Variants in CSRNP3 observed in about 807,000 individuals in gnomAD.
CSRNP3 encodes the protein cysteine/serine-rich nuclear protein 3.
CSRNP3 carries 12 observed loss-of-function variants against 48.0 expected under a neutral mutation model. That is an observed-to-expected ratio of 0.25 (90% CI 0.16 to 0.41). CSRNP3 has a LOEUF of 0.41. CSRNP3 is among the 10% of genes least tolerant of loss of function. The pLI, the probability that CSRNP3 is intolerant of heterozygous loss-of-function variation, is 1.00. For synonymous variants in CSRNP3, 263 were observed against 269.7 expected (o/e 0.98, Z 0.24); for missense variants, 580 against 724.4 (o/e 0.80, Z 2.29).
At chr2:165,505,112 G>A (rs563958931) in intron 2 of CSRNP3, among the ~76,000 whole-genome samples, 9 of 152,074 alleles carry the variant, frequency 5.9e-5, no homozygotes, top group African/African-American at 2.2e-4. Flanking sequence ...TGGGATTGGG[G>A]TTATAAATTC....
chr2:165,622,003 C>T (rs992024946), intron 4 of CSRNP3, among the ~76,000 whole-genome samples: 2 of 152,148 alleles, frequency 1.3e-5, no homozygotes, highest in Non-Finnish European at 2.9e-5. Flanking sequence ...GCAGGCAGAG[C>T]TTTCTTCTTT....
chr2:165,578,043 T>G (rs969785027), intron 3 of CSRNP3, among the ~76,000 whole-genome samples: 4 of 152,040 alleles, frequency 2.6e-5, no homozygotes, highest in African/African-American at 9.7e-5. Context: ...TATTAAACTA[T>G]CAACAGAAAT....
chr2:165,541,650 AATGCAATT>A (rs1684959188), intron 3 of CSRNP3, among the ~76,000 whole-genome samples: 1 of 152,102 alleles, frequency 6.6e-6, no homozygotes, highest in South Asian at 2.1e-4. Flanking sequence ...CACAAATCTA[AATGCAATT>A]ATACAATATC....
At chr2:165,606,060 T>C (rs1350457219) in intron 4 of CSRNP3, among the ~76,000 whole-genome samples, 1 of 151,902 alleles carries the variant, frequency 6.6e-6, no homozygotes, top group East Asian at 1.9e-4. Flanking sequence ...ATTAGATCCC[T>C]ACCTCATGCC....
intron 4 of CSRNP3, among the ~76,000 whole-genome samples, chr2:165,646,246 A>G (rs1386599814): frequency 6.6e-6 from 1 of 152,094 alleles, no homozygotes; most frequent in African/African-American, 2.4e-5. Context: ...AAGTTCAAGT[A>G]TGTGGTTTTG....
At chr2:165,635,898 A>G (rs1292336561) in intron 4 of CSRNP3, among the ~76,000 whole-genome samples, 2 of 151,682 alleles carry the variant, frequency 1.3e-5, no homozygotes, top group African/African-American at 4.8e-5. Flanking sequence ...CTCCATACCC[A>G]TTTTTTCTTT....
chr2:165,652,763 C>G (rs1433395182), intron 4 of CSRNP3, among the ~76,000 whole-genome samples: 1 of 151,954 alleles, frequency 6.6e-6, no homozygotes, highest in African/African-American at 2.4e-5. Flanking sequence ...AGGCTGGTCT[C>G]GAACTCCTGA....
chr2:165,530,970 A>G (rs1478206485), intron 3 of CSRNP3, among the ~76,000 whole-genome samples: 1 of 151,896 alleles, frequency 6.6e-6, no homozygotes, highest in African/African-American at 2.4e-5. Context: ...ACTCCATAAA[A>G]TTCTTTTTTT....
intron 5 of CSRNP3, among the ~76,000 whole-genome samples, chr2:165,674,715 ATT>A (rs1437561106): frequency 1.3e-5 from 1 of 74,610 alleles, no homozygotes; most frequent in African/African-American, 8.0e-5. Context: ...TATATATATA[ATT>A]TGTTTATTTA....
chr2:165,551,143 G>A (rs1259375576), intron 3 of CSRNP3, among the ~76,000 whole-genome samples: 1 of 152,038 alleles, frequency 6.6e-6, no homozygotes, highest in African/African-American at 2.4e-5. Context: ...GTTCCCACAT[G>A]GAGTGTTGAA....
intron 3 of CSRNP3, among the ~76,000 whole-genome samples, chr2:165,583,222 A>G (rs1002006269): frequency 6.6e-6 from 1 of 152,210 alleles, no homozygotes; most frequent in Non-Finnish European, 1.5e-5. Flanking sequence ...GCAGAAATAT[A>G]TATCCTTTTT....
chr2:165,654,189 T>G (rs1316694925), intron 4 of CSRNP3, among the ~76,000 whole-genome samples: 1 of 152,082 alleles, frequency 6.6e-6, no homozygotes, highest in Non-Finnish European at 1.5e-5. Flanking sequence ...TAAGGGGTAA[T>G]GTATGAGATT....
chr2:165,538,135 G>A (rs1684905335), intron 3 of CSRNP3, among the ~76,000 whole-genome samples: 1 of 151,850 alleles, frequency 6.6e-6, no homozygotes, highest in East Asian at 1.9e-4. Context: ...TCCTTAAAGA[G>A]GCAAGATTAT....
chr2:165,670,284 C>T (rs541600267), intron 5 of CSRNP3, among the ~76,000 whole-genome samples: 1 of 152,126 alleles, frequency 6.6e-6, no homozygotes, highest in African/African-American at 2.4e-5. Flanking sequence ...CCCTCAAATG[C>T]CCCATGTTCA....
chr2:165,570,298 C>G (rs1685351882), intron 3 of CSRNP3, among the ~76,000 whole-genome samples: 1 of 151,930 alleles, frequency 6.6e-6, no homozygotes, highest in African/African-American at 2.4e-5. Flanking sequence ...AAATTGTCAG[C>G]TTCTTATATT....
chr2:165,604,871 TA>T (rs1685982673), intron 4 of CSRNP3, among the ~76,000 whole-genome samples: 1 of 152,212 alleles, frequency 6.6e-6, no homozygotes, highest in African/African-American at 2.4e-5. Context: ...CATTTAGCCT[TA>T]AAAATAGTAA....
chr2:165,550,843 T>C (rs1037335201), intron 3 of CSRNP3, among the ~76,000 whole-genome samples: 4 of 152,146 alleles, frequency 2.6e-5, no homozygotes, highest in African/African-American at 9.7e-5. Context: ...GCTTTCAGAG[T>C]CGATTGTTCT....
intron 3 of CSRNP3, among the ~76,000 whole-genome samples, chr2:165,548,576 A>T (rs1383656346): frequency 6.6e-6 from 1 of 152,092 alleles, no homozygotes; most frequent in Non-Finnish European, 1.5e-5. Context: ...CAAAGATCGC[A>T]AACAAGATTT....
intron 3 of CSRNP3, among the ~76,000 whole-genome samples, chr2:165,548,115 T>C (rs1442252042): frequency 6.6e-6 from 1 of 152,122 alleles, no homozygotes; most frequent in East Asian, 1.9e-4. Flanking sequence ...TGTGGTTTGC[T>C]AAATTCCTTC....
Sources: allele counts gnomAD v4.1 joint callset (sites outside exome capture counted in the v4.1 genomes callset), GRCh38; gene constraint gnomAD v4.1.1; transcripts MANE v1.5; gene names NCBI Gene and HGNC (gene_info 2026-07-23, HGNC 2026-07-21).